SNAP25: variants seen among roughly 807,000 people sequenced by gnomAD.
The protein encoded by SNAP25 is synaptosome associated protein 25.
Under a neutral mutation model 28.7 loss-of-function variants are expected in SNAP25, and 3 were observed. The observed-to-expected ratio is 0.10, with a 90% confidence interval of 0.05 to 0.27. The LOEUF (loss-of-function observed/expected upper bound fraction) is 0.27. Ranked by LOEUF, SNAP25 falls within the 10% of genes least tolerant of loss-of-function variation. The pLI is 1.00. For missense variants in SNAP25, 117 were observed against 278.7 expected (o/e 0.42, Z 4.13); for synonymous variants, 61 against 88.1 (o/e 0.69, Z 1.72).
intron 2 of SNAP25, 130 bp downstream of exon 2, chr20:10,275,693 A>G: frequency 1.5e-6 from 1 of 662,904 alleles, no homozygotes. Flanking sequence ...TATGACTTTG[A>G]TTTTCTGTAC....
intron 1 of SNAP25, among the ~76,000 whole-genome samples, chr20:10,221,481 C>T (rs914131907): frequency 1.3e-5 from 2 of 152,070 alleles, no homozygotes; most frequent in African/African-American, 2.4e-5. Context: ...CAGGGCAATG[C>T]GGTGAGAAGA....
chr20:10,250,438 T>A (rs773020323), intron 1 of SNAP25, among the ~76,000 whole-genome samples: 10 of 152,258 alleles, frequency 6.6e-5, no homozygotes, highest in Non-Finnish European at 1.2e-4. Flanking sequence ...AGCACATTAG[T>A]CAAGCCCTGC....
At chr20:10,246,336 G>A (rs1300281878) in intron 1 of SNAP25, among the ~76,000 whole-genome samples, 3 of 152,198 alleles carry the variant, frequency 2.0e-5, no homozygotes, top group Non-Finnish European at 4.4e-5. Context: ...GGGAGAAGGT[G>A]GAGAGAGAGA....
At chr20:10,275,353 T>G in intron 1 of SNAP25, 76 bp from the exon 2 acceptor site, 2 of 615,612 alleles carry the variant, frequency 3.2e-6, no homozygotes. Context: ...TATGGGCCAT[T>G]TAGATTTTCT....
In SNAP25 at chr20:10,264,419, C is replaced by T. The variant is rs543156833; in HGVS notation, c.-63-11010C>T. On this transcript the variant is annotated intron_variant, in intron 1 of 7. Transcript: ENST00000254976. ...TTGGGCTTTAATGCTAGTGCCTCTT[C>T]TCAGAGACACTGTGGGAGAGGGTGA... Among the ~76,000 whole-genome samples, 2 of 152,306 alleles carry T rather than the reference C, an allele frequency of 1.3e-5. 1 individual carries two copies. The highest frequency in any genetic ancestry group is 4.1e-4 in the South Asian group (2 of 4,826).
intron 1 of SNAP25, among the ~76,000 whole-genome samples, chr20:10,272,996 TA>T (rs1244583026): frequency 6.6e-6 from 1 of 152,146 alleles, no homozygotes; most frequent in Non-Finnish European, 1.5e-5. Context: ...AAAGTGATAT[TA>T]ATATGTACTA....
chr20:10,266,879 GTT>G (rs1339746013), intron 1 of SNAP25, among the ~76,000 whole-genome samples: 1 of 152,100 alleles, frequency 6.6e-6, no homozygotes, highest in Non-Finnish European at 1.5e-5. Flanking sequence ...AATTTAGAGA[GTT>G]TGAAAACATA....
chr20:10,270,505 C>T (rs2063575040), intron 1 of SNAP25, among the ~76,000 whole-genome samples: 1 of 152,084 alleles, frequency 6.6e-6, no homozygotes, highest in South Asian at 2.1e-4. Context: ...TCGAGACCAG[C>T]CTGGCCAACA....
intron 1 of SNAP25, among the ~76,000 whole-genome samples, chr20:10,236,760 C>A (rs1476270940): frequency 6.6e-6 from 1 of 151,954 alleles, no homozygotes; most frequent in African/African-American, 2.4e-5. Context: ...CTTAGCGATT[C>A]CAGGGATTAG....
chr20:10,254,761 T>C (rs1370262519), intron 1 of SNAP25, among the ~76,000 whole-genome samples: 1 of 152,132 alleles, frequency 6.6e-6, no homozygotes, highest in Non-Finnish European at 1.5e-5. Flanking sequence ...GAAAAAACAG[T>C]TCCCCCAGGG....
In SNAP25 at chr20:10,291,204, G is replaced by A. The variant is rs145133794; in HGVS notation, c.164-1957G>A. Among the ~76,000 whole-genome samples the A allele has an allele frequency of 9.5e-4, 145 of 152,244 alleles. 3 individuals carry two copies. Among genetic ancestry groups the A allele is most frequent in the African/African-American group, 3.3e-3 (136 of 41,566 alleles). Reference sequence around the variant, plus strand: ...TTCTCCTGCCTCAGCCTCCCAAGTAGCTGGGATTACAGGCGCATGCCACCA... The same window carrying A: ...TTCTCCTGCCTCAGCCTCCCAAGTAACTGGGATTACAGGCGCATGCCACCA... On this transcript the variant is annotated intron_variant, in intron 4 of 7. Transcript: ENST00000254976.
chr20:10,240,592 T>G (rs1281417011), intron 1 of SNAP25, among the ~76,000 whole-genome samples: 1 of 152,164 alleles, frequency 6.6e-6, no homozygotes, highest in Admixed American at 6.5e-5. Context: ...TCTGCCATTC[T>G]CCATGCCTCC....
At chr20:10,287,902 T>C (rs1600762716) in intron 4 of SNAP25, among the ~76,000 whole-genome samples, 1 of 151,828 alleles carries the variant, frequency 6.6e-6, no homozygotes, top group Non-Finnish European at 1.5e-5. Flanking sequence ...AGTAAACTAT[T>C]GCAAGACCAA....
At chr20:10,297,582 A>C (rs1473867354) in intron 6 of SNAP25, among the ~76,000 whole-genome samples, 1 of 152,236 alleles carries the variant, frequency 6.6e-6, no homozygotes, top group Non-Finnish European at 1.5e-5. Flanking sequence ...GGAAGTTGTT[A>C]CCACCATAGT....
chr20:10,255,838 GT>G (rs1205301158), intron 1 of SNAP25, among the ~76,000 whole-genome samples: 3 of 152,160 alleles, frequency 2.0e-5, no homozygotes, highest in Non-Finnish European at 2.9e-5. Flanking sequence ...GCGCAGAACA[GT>G]GAGACTATGA....
chr20:10,296,561 A>G lies in SNAP25; in HGVS notation c.282-364A>G, dbSNP rs6131072. 1.4e-3 allele frequency: 270 copies of G among 189,426 alleles called. 5 individuals are homozygous for G. Among genetic ancestry groups the G allele is most frequent in the South Asian group, 8.0e-3 (129 of 16,214 alleles). 11.7% of individuals were successfully genotyped at this position (189,426 alleles called of 1,614,324 possible). On this transcript the variant is annotated intron_variant, in intron 5 of 7. Transcript: ENST00000254976. Reference sequence around the variant, plus strand: ...TCTTGTTTTGTGTCTGTCTGCCAGTATGTTTTTCTCTGTTTTATGTCTCCA... The same window carrying G: ...TCTTGTTTTGTGTCTGTCTGCCAGTGTGTTTTTCTCTGTTTTATGTCTCCA...
chr20:10,238,906 A>AATAATAATAATAATAATAAT (rs2062972498), intron 1 of SNAP25, among the ~76,000 whole-genome samples: 1 of 111,804 alleles, frequency 8.9e-6, no homozygotes, highest in African/African-American at 6.2e-5. Context: ...CTCCGTTTCA[A>AATAATAATAATAATAATAAT]ATAATAATAA....
chr20:10,288,614 T>C (rs991631827), intron 4 of SNAP25, among the ~76,000 whole-genome samples: 1 of 152,206 alleles, frequency 6.6e-6, no homozygotes, highest in African/African-American at 2.4e-5. Flanking sequence ...CAGTTAATGT[T>C]CTCGGCTAAG....
At chr20:10,225,606 T>C (rs2327264) in intron 1 of SNAP25, among the ~76,000 whole-genome samples, 19,430 of 150,844 alleles carry the variant, frequency 0.13, 1,374 homozygotes, top group East Asian at 0.24. Flanking sequence ...ATATGGTTCA[T>C]ATTACTCAAA....
Sources: gnomAD v4.1 joint callset for allele counts (sites outside exome capture counted in the v4.1 genomes callset) on GRCh38, gnomAD v4.1.1 for gene constraint, MANE v1.5 for transcripts, NCBI Gene and HGNC (gene_info 2026-07-23, HGNC 2026-07-21) for gene names.